The following DACH2 variants were observed in gnomAD, a reference collection of about 807,000 sequenced individuals.
DACH2 encodes dachshund homolog 2.
Under a neutral mutation model 35.8 loss-of-function variants are expected in DACH2, and 17 were observed. The observed-to-expected ratio is 0.48, with a 90% CI of 0.33 to 0.71. The LOEUF (loss-of-function observed/expected upper bound fraction) is 0.71, where lower values mean the gene tolerates loss of function less well. Among genes scored for constraint, DACH2 ranks in the 30% least tolerant of loss-of-function variants. The pLI is 0.02. For synonymous variants in DACH2, 195 were observed against 177.3 expected, an observed-to-expected ratio of 1.10 and a Z score of -0.79; for missense variants, 469 against 472.7, an observed-to-expected ratio of 0.99 and a Z score of 0.07.
chrX:86,802,166 T>G (rs763117562), intron 7 of DACH2, among the ~76,000 whole-genome samples: 10 of 111,896 alleles, frequency 8.9e-5, no homozygotes, highest in Non-Finnish European at 1.9e-4. Flanking sequence ...CCAGTGGTTT[T>G]TTGAATTGTC....
intron 3 of DACH2, among the ~76,000 whole-genome samples, chrX:86,649,725 GAACCTTAGTTATTCTACCA>G (rs964389565): frequency 1.8e-5 from 2 of 111,210 alleles, no homozygotes; most frequent in African/African-American, 6.5e-5. Context: ...TGGCAAAATA[GAACCTTAGTTATTCTACCA>G]AACACACAGT....
intron 1 of DACH2, among the ~76,000 whole-genome samples, chrX:86,294,798 G>C (rs2034406514): frequency 9.2e-6 from 1 of 108,832 alleles, no homozygotes; most frequent in East Asian, 2.9e-4. Context: ...CCAGCTGCGT[G>C]CTGGGAGAAC....
chrX:86,571,716 TA>T (rs1382431110), intron 3 of DACH2, among the ~76,000 whole-genome samples: 1 of 104,200 alleles, frequency 9.6e-6, no homozygotes, highest in Non-Finnish European at 2.0e-5. Flanking sequence ...ATTTTTTTTT[TA>T]AATTGGCAAT....
At chrX:86,321,145 C>T (rs1248606781) in intron 1 of DACH2, among the ~76,000 whole-genome samples, 1 of 111,412 alleles carries the variant, frequency 9.0e-6, no homozygotes, top group East Asian at 2.8e-4. Context: ...CCCTATATCC[C>T]CTTTTAGCTA....
At chrX:86,727,874 G>A (rs970454950) in intron 6 of DACH2, among the ~76,000 whole-genome samples, 7 of 111,709 alleles carry the variant, frequency 6.3e-5, no homozygotes, top group Middle Eastern at 9.3e-3. Context: ...TGTTTATAGC[G>A]ACGCAAGAAA....
intron 2 of DACH2, among the ~76,000 whole-genome samples, chrX:86,417,089 CAAAAAAAA>C (rs386417185): frequency 4.3e-5 from 1 of 23,035 alleles, no homozygotes; most frequent in African/African-American, 2.0e-4. Context: ...GACTCCATCT[CAAAAAAAA>C]AAAAAAAAAA....
At chrX:86,529,983 A>G (rs6623693) in intron 3 of DACH2, among the ~76,000 whole-genome samples, 81 of 88,792 alleles carry the variant, frequency 9.1e-4, no homozygotes, top group South Asian at 1.5e-3. Flanking sequence ...ACACGCACAC[A>G]CACACACACA....
At chrX:86,673,335 C>CAAAAAAAAAAAA (rs56877612) in intron 4 of DACH2, among the ~76,000 whole-genome samples, 3 of 43,194 alleles carry the variant, frequency 6.9e-5, no homozygotes, top group African/African-American at 9.7e-5. Context: ...GACTCCGTCT[C>CAAAAAAAAAAAA]AAAAAAAAAA....
chrX:86,459,320 T>C (rs1569409085), intron 2 of DACH2, among the ~76,000 whole-genome samples: 1 of 111,821 alleles, frequency 8.9e-6, no homozygotes, highest in East Asian at 2.8e-4. Flanking sequence ...TCCTGGATGC[T>C]TCTCAAAAGC....
chrX:86,648,576 T>C (rs1235963032), intron 3 of DACH2, among the ~76,000 whole-genome samples: 1 of 111,008 alleles, frequency 9.0e-6, no homozygotes, highest in Non-Finnish European at 1.9e-5. Flanking sequence ...TATAGTTTTA[T>C]CTGAAGACAC....
chrX:86,616,835 G>C (rs1432753789), intron 3 of DACH2, among the ~76,000 whole-genome samples: 1 of 111,728 alleles, frequency 9.0e-6, no homozygotes, highest in Non-Finnish European at 1.9e-5. Flanking sequence ...TGTAATCTTT[G>C]CCTATTTCTA....
chrX:86,507,463 CAAAA>C (rs34617943), intron 2 of DACH2, among the ~76,000 whole-genome samples: 3 of 47,644 alleles, frequency 6.3e-5, no homozygotes, highest in Middle Eastern at 9.4e-3. Context: ...AGTGACCTTT[CAAAA>C]AAAAAAAAAA....
intron 3 of DACH2, among the ~76,000 whole-genome samples, chrX:86,539,828 G>C (rs62593268): frequency 4.5e-5 from 5 of 110,899 alleles, no homozygotes; most frequent in Admixed American, 9.6e-5. Flanking sequence ...ATAGTGTCTG[G>C]CATAGTAAGT....
At chrX:86,380,311 C>A (rs2062395408) in intron 2 of DACH2, among the ~76,000 whole-genome samples, 1 of 110,271 alleles carries the variant, frequency 9.1e-6, no homozygotes, top group East Asian at 2.9e-4. Context: ...CCAGGGACAG[C>A]ATTTGAATCA....
At chrX:86,519,835 CA>C (rs918703549) in intron 3 of DACH2, among the ~76,000 whole-genome samples, 1 of 104,045 alleles carries the variant, frequency 9.6e-6, no homozygotes, top group African/African-American at 3.5e-5. Flanking sequence ...TTAAATTTTT[CA>C]AAAAAACTTC....
intron 2 of DACH2, among the ~76,000 whole-genome samples, chrX:86,512,594 A>G (rs1371760704): frequency 1.8e-5 from 2 of 112,148 alleles, no homozygotes; most frequent in Non-Finnish European, 3.8e-5. Flanking sequence ...AGATGTTTAC[A>G]GCGGACAAAT....
chrX:86,667,604 GAAAGAAAGA>G lies in DACH2; in HGVS notation c.772+16440_772+16448del, dbSNP rs1569463756. Among the ~76,000 whole-genome samples the G allele has an allele frequency of 3.9e-4, 41 of 105,148 alleles. 1 individual carries two copies. The highest frequency in any genetic ancestry group is 1.3e-3 in the African/African-American group (37 of 28,085). The allele number at this position is 105,148 out of a possible 115,157, so 91.3% of individuals were successfully genotyped here. A position where few individuals can be genotyped will look rare whatever the true frequency, so the allele number is the denominator to read the frequency against. ...AGAAAGAAAGAAAGAAAGAAAGAAA[GAAAGAAAGA>G]AAGGCAGGCAGGCCCTGGTCTTAAC... On this transcript the variant is annotated intron_variant, in intron 4 of 11. Coordinates refer to ENST00000373125, the MANE Select transcript of DACH2 (RefSeq NM_053281.3).
chrX:86,783,347 G>A (rs193267764), intron 7 of DACH2, among the ~76,000 whole-genome samples: 23 of 112,060 alleles, frequency 2.1e-4, no homozygotes, highest in African/African-American at 7.4e-4. Context: ...ACACTGTGGA[G>A]AACAATTTGG....
chrX:86,585,298 G>A (rs1037742455), intron 3 of DACH2, among the ~76,000 whole-genome samples: 12 of 110,699 alleles, frequency 1.1e-4, no homozygotes, highest in Admixed American at 1.1e-3. Flanking sequence ...TTTTTCCATA[G>A]CCTTTCCAGT....
Sources: gnomAD v4.1 joint callset for allele counts (sites outside exome capture counted in the v4.1 genomes callset) on GRCh38, gnomAD v4.1.1 for gene constraint, MANE v1.5 for transcripts, NCBI Gene and HGNC (gene_info 2026-07-23, HGNC 2026-07-21) for gene names.